Variants in RASD2 observed in about 807,000 individuals in gnomAD.
The protein encoded by RASD2 is GTP-binding protein Rhes.
Under a neutral mutation model 15.8 loss-of-function variants are expected in RASD2, and 7 were observed. The ratio of observed to expected loss-of-function variants is 0.44; its 90% CI spans 0.25 to 0.83. RASD2 has a LOEUF of 0.83. Ranked by LOEUF, RASD2 falls within the 40% of genes least tolerant of loss-of-function variation. The pLI, the probability that RASD2 is intolerant of heterozygous loss-of-function variation, is 0.20. For missense variants in RASD2, 274 were observed against 382.8 expected, an observed-to-expected ratio of 0.72 and a Z score of 2.37; for synonymous variants, 155 against 153.6, an observed-to-expected ratio of 1.01 and a Z score of -0.07.
At chr22:35,539,351 G>C, upstream of RASD2, among the ~76,000 whole-genome samples, 1 of 152,154 alleles carries the variant, frequency 6.6e-6, no homozygotes, top group East Asian at 1.9e-4. Flanking sequence ...TGCCCTCCCA[G>C]ACCCCTGCGT....
intron 1 of RASD2, 147 bp from the exon 2 acceptor site, chr22:35,546,654 A>G (rs1934509933): frequency 9.7e-7 from 1 of 1,031,624 alleles, no homozygotes. Context: ...ATGAGAGGGT[A>G]GAACTCCAAG....
At chr22:35,544,805 T>A (rs1369373749) in intron 1 of RASD2, among the ~76,000 whole-genome samples, 1 of 152,208 alleles carries the variant, frequency 6.6e-6, no homozygotes, top group African/African-American at 2.4e-5. Flanking sequence ...TGTGCCTCAG[T>A]TTCCTCATCT....
At chr22:35,548,210 G>C (rs1319224797) in intron 2 of RASD2, among the ~76,000 whole-genome samples, 1 of 152,192 alleles carries the variant, frequency 6.6e-6, no homozygotes, top group African/African-American at 2.4e-5. Flanking sequence ...CCCAGCACCT[G>C]GGTGTGAGCC....
upstream of RASD2, among the ~76,000 whole-genome samples, chr22:35,540,639 T>C (rs1934321073): frequency 6.6e-6 from 1 of 152,068 alleles, no homozygotes; most frequent in Non-Finnish European, 1.5e-5. Flanking sequence ...ATCAGCGACC[T>C]CTTCGCCCTG....
At chr22:35,546,527 G>A (rs1302315983) in intron 1 of RASD2, among the ~76,000 whole-genome samples, 1 of 152,138 alleles carries the variant, frequency 6.6e-6, no homozygotes, top group Non-Finnish European at 1.5e-5. Context: ...AGTAGCTAGA[G>A]GCAAGGCAAG....
At position 35,552,182 on chromosome 22, in the gene RASD2, C is replaced by T; in HGVS notation, c.*150C>T. The T allele has an allele frequency of 1.0e-6, 1 of 1,000,282 alleles. No individual in the cohort carries two copies. The highest frequency in any genetic ancestry group is 1.4e-6 in the Non-Finnish European group (1 of 701,874). The allele number at this position is 1,000,282 out of a possible 1,614,324, so 62.0% of individuals were successfully genotyped here. A position where few individuals can be genotyped will look rare whatever the true frequency, so the allele number is the denominator to read the frequency against. ...GGAGGCCCCCGGGCGCTGGCCTCCGCACATTCGTCTGCCTTCTCACAGCTT... is the reference window on the plus strand; with the variant it reads ...GGAGGCCCCCGGGCGCTGGCCTCCGTACATTCGTCTGCCTTCTCACAGCTT... On this transcript the variant is annotated 3_prime_UTR_variant, in exon 3 of 3. Coordinates refer to ENST00000216127, the MANE Select transcript of RASD2 (RefSeq NM_014310.4).
At chr22:35,549,459 G>T (rs970294999) in intron 2 of RASD2, among the ~76,000 whole-genome samples, 1 of 152,154 alleles carries the variant, frequency 6.6e-6, no homozygotes, top group Non-Finnish European at 1.5e-5. Flanking sequence ...CAGACGGGCC[G>T]ATCTCTGATG....
intron 1 of RASD2, among the ~76,000 whole-genome samples, chr22:35,545,706 A>G (rs922961455): frequency 2.6e-5 from 4 of 152,160 alleles, no homozygotes; most frequent in African/African-American, 4.8e-5. Flanking sequence ...ACCCTGAAAC[A>G]TAAGGGGAAG....
chr22:35,533,112 C>T, the RASD2 span, among the ~76,000 whole-genome samples: 3 of 152,220 alleles, frequency 2.0e-5, no homozygotes, highest in African/African-American at 7.2e-5. Flanking sequence ...TTGTAGCAGA[C>T]TGAGAACAGG....
At chr22:35,543,908 C>G (rs1407962373) in intron 1 of RASD2, among the ~76,000 whole-genome samples, 4 of 150,526 alleles carry the variant, frequency 2.7e-5, no homozygotes, top group African/African-American at 9.8e-5. Flanking sequence ...TGTCTCACTG[C>G]CTCCTCTCTC....
rs2145879544 is a variant in RASD2, at chr22:35,552,705, C to CGACA, written c.*675_*678dup. 6.5e-6 allele frequency: 1 copy of CGACA among 153,226 alleles called. No homozygotes were observed. Among genetic ancestry groups the CGACA allele is most frequent in the East Asian group, 1.9e-4 (1 of 5,186 alleles). 9.5% of individuals were successfully genotyped at this position (153,226 alleles called of 1,614,324 possible). On this transcript the variant is annotated 3_prime_UTR_variant, in exon 3 of 3. Transcript: ENST00000216127. ...GCCTCCTCTCCTAGGTCCCTCCGCC[C>CGACA]GACAGTTGTGCTTTGTTGTGGTTGC...
chr22:35,546,574 A>G (rs942026598), intron 1 of RASD2, among the ~76,000 whole-genome samples: 8 of 152,164 alleles, frequency 5.3e-5, no homozygotes, highest in African/African-American at 1.7e-4. Flanking sequence ...TGCATAAATG[A>G]AAGGATGAAT....
At chr22:35,540,272 G>A (rs888382282), upstream of RASD2, among the ~76,000 whole-genome samples, 2 of 151,890 alleles carry the variant, frequency 1.3e-5, no homozygotes, top group African/African-American at 2.4e-5. Context: ...GAGCGCGTGC[G>A]CAGACGTCAG....
At chr22:35,547,122 G>A in intron 2 of RASD2, 42 bp downstream of exon 2, 1 of 1,579,966 alleles carries the variant, frequency 6.3e-7, no homozygotes, top group Non-Finnish European at 8.6e-7. Context: ...CAGGGCCAGG[G>A]CATGGGTGCG....
chr22:35,543,595 A>T (rs1934409865), intron 1 of RASD2, among the ~76,000 whole-genome samples: 1 of 152,228 alleles, frequency 6.6e-6, no homozygotes, highest in Admixed American at 6.5e-5. Flanking sequence ...GGGAAGAAAG[A>T]TGTGGAGGCA....
chr22:35,536,338 T>G (rs1422749629), upstream of RASD2, among the ~76,000 whole-genome samples: 1 of 151,838 alleles, frequency 6.6e-6, no homozygotes, highest in African/African-American at 2.4e-5. Context: ...TTTTTTTTTT[T>G]TTTTTGAGAC....
upstream of RASD2, among the ~76,000 whole-genome samples, chr22:35,538,404 G>A (rs1396516879): frequency 1.3e-5 from 2 of 152,212 alleles, no homozygotes; most frequent in Admixed American, 6.5e-5. Flanking sequence ...GGGACGAAGG[G>A]GGCAGCTATG....
At chr22:35,547,229 A>G in intron 2 of RASD2, 149 bp downstream of exon 2, 1 of 1,117,810 alleles carries the variant, frequency 8.9e-7, no homozygotes, top group Non-Finnish European at 1.2e-6. Context: ...AGGTTTTGCC[A>G]TGTGCTGGAA....
upstream of RASD2, among the ~76,000 whole-genome samples, chr22:35,540,149 T>C (rs899458344): frequency 6.6e-6 from 1 of 152,030 alleles, no homozygotes; most frequent in East Asian, 1.9e-4. Flanking sequence ...AGGAGGGCGC[T>C]GGAACCGTGG....
Sources: gnomAD v4.1 joint callset for allele counts (sites outside exome capture counted in the v4.1 genomes callset) on GRCh38, gnomAD v4.1.1 for gene constraint, MANE v1.5 for transcripts, NCBI Gene and HGNC (gene_info 2026-07-23, HGNC 2026-07-21) for gene names.